Variants in ELL observed in about 807,000 individuals in gnomAD.
ELL encodes the protein RNA polymerase II elongation factor ELL.
Under a neutral mutation model 64.0 loss-of-function variants are expected in ELL, and 18 were observed. The ratio of observed to expected loss-of-function variants is 0.28; its 90% confidence interval spans 0.19 to 0.42. ELL has a LOEUF of 0.42. ELL is among the 10% of genes least tolerant of loss of function. The pLI, the probability that ELL is intolerant of heterozygous loss-of-function variation, is 1.00. For synonymous variants in ELL, 399 were observed against 376.2 expected, an observed-to-expected ratio of 1.06 and a Z score of -0.70; for missense variants, 797 against 870.4, an observed-to-expected ratio of 0.92 and a Z score of 1.06.
chr19:18,443,516 T>C lies in ELL; in HGVS notation c.*1236A>G, dbSNP rs1974338065. The C allele has an allele frequency of 4.3e-6, 1 of 233,496 alleles. No homozygotes were observed. The highest frequency in any genetic ancestry group is 8.5e-6 in the Non-Finnish European group (1 of 118,056). 14.5% of individuals were successfully genotyped at this position (233,496 alleles called of 1,614,324 possible). ...CACCCCCCACCACCTTTCCAAGTCA[T>C]GGCTTCATTCAGCCCTAAATGGGAA... On this transcript the variant is annotated 3_prime_UTR_variant, in exon 12 of 12. Coordinates refer to ENST00000262809, the MANE Select transcript of ELL (RefSeq NM_006532.4).
Position 18,446,782 on chromosome 19 carries a change from G to C in ELL, c.1498C>G (p.Pro500Ala), listed in dbSNP as rs151228060. The C allele has an allele frequency of 1.8e-3, 2,957 of 1,614,068 alleles. 7 individuals are homozygous for C. Among genetic ancestry groups the C allele is most frequent in the Non-Finnish European group, 2.3e-3 (2,711 of 1,180,022 alleles). ...LNGTCSVSSV[P>A]TSTSETPDYL... ...TCAGGCGTCTCCGACGTGGACGTGG[G>C]AACACTGGAAACGCTGCAGGTTCCG... The change falls in exon 9 of 12, where the codon CCC becomes GCC. Residue 500 changes from proline to alanine, a missense_variant. Coordinates refer to ENST00000262809, the MANE Select transcript of ELL (RefSeq NM_006532.4).
chr19:18,448,600 G>A (rs34171762), intron 8 of ELL: 70,698 of 152,234 alleles, frequency 0.46, 18,977 homozygotes, highest in African/African-American at 0.75. Context: ...CTCCCGCCAC[G>A]CAGTGGACTC....
In ELL at chr19:18,444,321, C is replaced by T. The variant is rs1187372687; in HGVS notation, c.*431G>A. 3 of 239,210 alleles carry T rather than the reference C, an allele frequency of 1.3e-5. No homozygotes were observed. The highest frequency in any genetic ancestry group is 2.5e-5 in the Non-Finnish European group (3 of 121,350). The allele number at this position is 239,210 out of a possible 1,614,324, so 14.8% of individuals were successfully genotyped here. ...GGGCAGCGGCTAGACCCTGGGTGTC[C>T]GAGGAGAGGGAGGCACAGGTTTAGA... is the stretch of plus-strand genomic sequence containing the variant. On this transcript the variant is annotated 3_prime_UTR_variant, in exon 12 of 12. Transcript: ENST00000262809.
At chr19:18,446,687 G>C (rs1974424037) in intron 9 of ELL, 61 bp downstream of exon 9, 1 of 1,597,002 alleles carries the variant, frequency 6.3e-7, no homozygotes, top group Non-Finnish European at 8.6e-7. Context: ...GCAGTGCTGG[G>C]GGAGGGGGTC....
intron 1 of ELL, among the ~76,000 whole-genome samples, chr19:18,497,065 C>T (rs900812271): frequency 6.6e-6 from 1 of 152,218 alleles, no homozygotes; most frequent in Non-Finnish European, 1.5e-5. Flanking sequence ...GCACTGGAAA[C>T]GTGCGTCCAC....
chr19:18,516,608 A>G (rs1976136272), intron 1 of ELL, among the ~76,000 whole-genome samples: 1 of 152,038 alleles, frequency 6.6e-6, no homozygotes, highest in Non-Finnish European at 1.5e-5. Flanking sequence ...ACCAGGTTAG[A>G]TGAGTGATCT....
chr19:18,500,422 C>G (rs944352088), intron 1 of ELL, among the ~76,000 whole-genome samples: 1 of 152,196 alleles, frequency 6.6e-6, no homozygotes. Context: ...TCCACTTCTC[C>G]TACCACCTTC....
intron 1 of ELL, among the ~76,000 whole-genome samples, chr19:18,476,309 G>A (rs1464304394): frequency 6.6e-6 from 1 of 152,260 alleles, no homozygotes; most frequent in African/African-American, 2.4e-5. Context: ...ATGTGCAGCT[G>A]TGAGCCAGGG....
chr19:18,500,006 A>T (rs12461330), intron 1 of ELL, among the ~76,000 whole-genome samples: 3,235 of 152,340 alleles, frequency 0.021, 289 homozygotes, highest in Admixed American at 0.16. Context: ...TCACGCCTGT[A>T]ATCCCAACAC....
intron 1 of ELL, among the ~76,000 whole-genome samples, chr19:18,489,997 T>C (rs1975494329): frequency 6.6e-6 from 1 of 151,996 alleles, no homozygotes; most frequent in South Asian, 2.1e-4. Context: ...CCCGTGCTGG[T>C]CCCTCAAGCC....
intron 1 of ELL, 36 bp downstream of exon 1, chr19:18,521,885 G>T (rs761706773): frequency 1.3e-6 from 2 of 1,548,046 alleles, no homozygotes; most frequent in East Asian, 2.5e-5. Context: ...GCGTCCGGAC[G>T]TTCCCCACTG....
intron 2 of ELL, among the ~76,000 whole-genome samples, chr19:18,470,342 GC>G (rs572616127): frequency 2.0e-5 from 3 of 152,192 alleles, no homozygotes; most frequent in African/African-American, 4.8e-5. Context: ...GGGATGAGGG[GC>G]CCCCCCACTG....
Position 18,442,664 on chromosome 19 carries a change from TCAG to T in ELL, c.*2085_*2087del, listed in dbSNP as rs1277492126. 2 of 181,996 alleles carry T rather than the reference TCAG, an allele frequency of 1.1e-5. No individual in the cohort carries two copies. The highest frequency in any genetic ancestry group is 2.3e-5 in the Non-Finnish European group (2 of 86,208). 11.3% of individuals were successfully genotyped at this position (181,996 alleles called of 1,614,324 possible). A position where few individuals can be genotyped will look rare whatever the true frequency, so the allele number is the denominator to read the frequency against. On this transcript the variant is annotated 3_prime_UTR_variant, in exon 12 of 12. Coordinates refer to ENST00000262809, the MANE Select transcript of ELL (RefSeq NM_006532.4). ...AGCCAGGCAGCCTGGGCTGCCAGGT[TCAG>T]TTCAGTGAAATTTATTGGAGAATGA...
chr19:18,450,364 G>T, intron 8 of ELL, 113 bp downstream of exon 8: 1 of 1,483,616 alleles, frequency 6.7e-7, no homozygotes. Context: ...GGGGCAACAG[G>T]GTCCCCTCCC....
At chr19:18,462,368 G>T (rs2385091) in intron 4 of ELL, among the ~76,000 whole-genome samples, 3,380 of 53,192 alleles carry the variant, frequency 0.064, 383 homozygotes, top group African/African-American at 0.13. Context: ...TGTGTGTTTG[G>T]GCGGGGGGCG....
At position 18,450,848 on chromosome 19, in the gene ELL, A is replaced by G; in HGVS notation, c.1094T>C (p.Leu365Ser). Reference protein sequence around the residue: ...KLGVPNGREALLPTPGPPAST... With the variant: ...KLGVPNGREASLPTPGPPAST... ...GGCTGGTGGGCCCGGGGTGGGCAGC[A>G]AGGCCTCACGGCCATTGGGCACGCC... is the stretch of plus-strand genomic sequence containing the variant. The change falls in exon 8 of 12, where the codon TTG becomes TCG. Residue 365 changes from leucine to serine, a missense_variant. Leu to Ser is a moderately radical substitution (Grantham distance 145). Transcript: ENST00000262809. The G allele has an allele frequency of 1.3e-6, 2 of 1,592,360 alleles. No homozygotes were observed. Among genetic ancestry groups the G allele is most frequent in the Non-Finnish European group, 1.7e-6 (2 of 1,167,808 alleles).
intron 1 of ELL, among the ~76,000 whole-genome samples, chr19:18,479,592 C>T (rs970695276): frequency 1.3e-5 from 2 of 151,344 alleles, no homozygotes; most frequent in African/African-American, 4.9e-5. Flanking sequence ...GCCTATAATC[C>T]TAGCTACTCG....
rs1354004851 is a variant in ELL, at chr19:18,442,814, G to C, written c.*1938C>G. 2 of 215,488 alleles carry C rather than the reference G, an allele frequency of 9.3e-6. No homozygotes were observed. Among genetic ancestry groups the C allele is most frequent in the African/African-American group, 4.5e-5 (2 of 44,160 alleles). The allele number at this position is 215,488 out of a possible 1,614,324, so 13.3% of individuals were successfully genotyped here. On this transcript the variant is annotated 3_prime_UTR_variant, in exon 12 of 12. Coordinates refer to ENST00000262809, the MANE Select transcript of ELL (RefSeq NM_006532.4). ...TGTAACATTTTGGCAAAAGTGGAAA[G>C]TTCTTGTAAACACCAACCCCATGGC...
In ELL at chr19:18,450,991, G is replaced by C. The variant is rs372861270; in HGVS notation, c.967-16C>G. 1 of 1,513,526 alleles carries C rather than the reference G, an allele frequency of 6.6e-7. No individual in the cohort carries two copies. 93.8% of individuals were successfully genotyped at this position (1,513,526 alleles called of 1,614,324 possible). A position where few individuals can be genotyped will look rare whatever the true frequency, so the allele number is the denominator to read the frequency against. ...GCAGCCGCTTCTGGAGAGGAGCAGA[G>C]ATCATTTTAGAGGGGAGCACAGAGT... On this transcript the variant is annotated splice_polypyrimidine_tract_variant and intron_variant, in intron 7 of 11. Transcript: ENST00000262809.
Sources: gnomAD v4.1 joint callset for allele counts (sites outside exome capture counted in the v4.1 genomes callset) on GRCh38, gnomAD v4.1.1 for gene constraint, MANE v1.5 for transcripts, NCBI Gene and HGNC (gene_info 2026-07-23, HGNC 2026-07-21) for gene names.